Variants in ANKS1B observed in about 807,000 individuals in gnomAD.
The protein encoded by ANKS1B is ankyrin repeat and sterile alpha motif domain containing 1B, also known as ankyrin repeat and sterile alpha motif domain-containing protein 1B.
In ANKS1B, 36 loss-of-function variants were observed where a neutral mutation model predicts 148.3. The observed-to-expected ratio is 0.24, with a 90% confidence interval of 0.19 to 0.32. ANKS1B has a LOEUF of 0.32. Ranked by LOEUF, ANKS1B falls within the 10% of genes least tolerant of loss-of-function variation. The pLI is 1.00. For missense variants in ANKS1B, 1,157 were observed against 1,542.6 expected (o/e 0.75, Z 4.19); for synonymous variants, 542 against 560.8 (o/e 0.97, Z 0.47).
chr12:99,578,539 C>T (rs942045673), intron 9 of ANKS1B, among the ~76,000 whole-genome samples: 2 of 152,006 alleles, frequency 1.3e-5, no homozygotes, highest in African/African-American at 2.4e-5. Context: ...AAATGAATAG[C>T]ATTTCTATAC....
At chr12:98,875,575 C>T (rs994801274) in intron 17 of ANKS1B, among the ~76,000 whole-genome samples, 1 of 152,156 alleles carries the variant, frequency 6.6e-6, no homozygotes, top group African/African-American at 2.4e-5. Flanking sequence ...TGAAGGAAGC[C>T]TTCCTGGTTT....
At chr12:99,148,504 T>A (rs1464303060) in intron 15 of ANKS1B, among the ~76,000 whole-genome samples, 3 of 152,110 alleles carry the variant, frequency 2.0e-5, no homozygotes, top group African/African-American at 7.2e-5. Context: ...AAGCAATCAG[T>A]ATTCGTGCAA....
intron 16 of ANKS1B, among the ~76,000 whole-genome samples, chr12:99,075,900 A>G (rs2047717941): frequency 6.7e-6 from 1 of 148,862 alleles, no homozygotes; most frequent in African/African-American, 2.4e-5. Flanking sequence ...ATTGTATATA[A>G]TAGGTTATAA....
intron 10 of ANKS1B, among the ~76,000 whole-genome samples, chr12:99,491,458 G>GT (rs2096554496): frequency 6.6e-6 from 1 of 152,044 alleles, no homozygotes; most frequent in Non-Finnish European, 1.5e-5. Context: ...TGTCACAAGG[G>GT]TTTGTTGTAC....
chr12:99,546,950 A>G (rs1366804473), intron 9 of ANKS1B, among the ~76,000 whole-genome samples: 2 of 152,090 alleles, frequency 1.3e-5, no homozygotes, highest in African/African-American at 4.8e-5. Context: ...CATCTCTGAC[A>G]GGGGCAGGGG....
chr12:99,532,760 C>T (rs150096265), intron 9 of ANKS1B, among the ~76,000 whole-genome samples: 75 of 152,294 alleles, frequency 4.9e-4, no homozygotes, highest in African/African-American at 1.7e-3. Context: ...ATTTTCTCAG[C>T]ACCATTTATT....
At chr12:99,796,399 G>T (rs1411121165) in intron 4 of ANKS1B, among the ~76,000 whole-genome samples, 3 of 151,948 alleles carry the variant, frequency 2.0e-5, no homozygotes, top group Non-Finnish European at 4.4e-5. Flanking sequence ...ATAAAGGTTG[G>T]GTGGGCGGCA....
intron 14 of ANKS1B, among the ~76,000 whole-genome samples, chr12:99,243,946 C>A (rs549847921): frequency 2.0e-5 from 3 of 152,132 alleles, no homozygotes; most frequent in Admixed American, 6.5e-5. Context: ...TGCAGCAAAC[C>A]AACATGGCAC....
chr12:99,294,792 T>C (rs1415820814), intron 12 of ANKS1B, among the ~76,000 whole-genome samples: 1 of 152,150 alleles, frequency 6.6e-6, no homozygotes, highest in Non-Finnish European at 1.5e-5. Flanking sequence ...TAGCTGGGAC[T>C]ACAGGCATGT....
At chr12:99,388,804 T>C (rs1384370816) in intron 12 of ANKS1B, among the ~76,000 whole-genome samples, 7 of 152,146 alleles carry the variant, frequency 4.6e-5, no homozygotes, top group African/African-American at 1.7e-4. Context: ...TCTCCAAAGC[T>C]AGCAACAAAG....
Position 99,118,492 on chromosome 12 carries a change from C to T in ANKS1B, c.2527-33469G>A, listed in dbSNP as rs75250141. On this transcript the variant is annotated intron_variant, in intron 15 of 26. Coordinates refer to ENST00000683438, the MANE Select transcript of ANKS1B (RefSeq NM_001352186.2). ...CTTTCCTGAAAGAGTGACTGTACAG[C>T]GCCTGGTGTTCTAAATCCAGTCGCT... Among the ~76,000 whole-genome samples, 1,499 of 152,246 alleles carry T rather than the reference C, an allele frequency of 9.8e-3. 24 individuals are homozygous for T. Among genetic ancestry groups the T allele is most frequent in the African/African-American group, 0.034 (1,419 of 41,538 alleles).
chr12:99,164,958 T>C (rs2077055955), intron 14 of ANKS1B, among the ~76,000 whole-genome samples: 3 of 152,068 alleles, frequency 2.0e-5, no homozygotes, highest in Non-Finnish European at 4.4e-5. Context: ...ATCTTAATCT[T>C]GAGGTTTCTG....
intron 22 of ANKS1B, among the ~76,000 whole-genome samples, chr12:98,789,041 T>C (rs1442243995): frequency 1.3e-5 from 2 of 152,036 alleles, no homozygotes; most frequent in African/African-American, 2.4e-5. Context: ...GATTCAAGAG[T>C]TGTACCCAGA....
At chr12:99,326,889 T>C (rs2086407988) in intron 12 of ANKS1B, among the ~76,000 whole-genome samples, 1 of 150,020 alleles carries the variant, frequency 6.7e-6, no homozygotes, top group Non-Finnish European at 1.5e-5. Context: ...ACTATATTTT[T>C]ATGTATATTT....
In ANKS1B at chr12:98,745,688, C is replaced by T; in HGVS notation, c.*51G>A. 6.2e-7 allele frequency: 1 copy of T among 1,603,066 alleles called. No individual in the cohort carries two copies. The highest frequency in any genetic ancestry group is 8.5e-7 in the Non-Finnish European group (1 of 1,174,262). On this transcript the variant is annotated 3_prime_UTR_variant, in exon 27 of 27. Coordinates refer to ENST00000683438, the MANE Select transcript of ANKS1B (RefSeq NM_001352186.2). ...GCGGAGGCGCGAAGGAAAGCCTGCT[C>T]CGGGACCGCTTGGCGAGCAAGGCAC... is the stretch of plus-strand genomic sequence containing the variant.
At chr12:98,858,940 G>A (rs1009049881) in intron 17 of ANKS1B, among the ~76,000 whole-genome samples, 12 of 152,092 alleles carry the variant, frequency 7.9e-5, no homozygotes, top group African/African-American at 2.7e-4. Flanking sequence ...TTATATTATC[G>A]ATTTACATTA....
intron 1 of ANKS1B, among the ~76,000 whole-genome samples, chr12:99,886,330 G>T (rs1258609091): frequency 6.6e-6 from 1 of 152,174 alleles, no homozygotes; most frequent in Non-Finnish European, 1.5e-5. Flanking sequence ...TGTGAGGGAA[G>T]AAATTGTTAT....
At chr12:99,279,857 T>C (rs907662066) in intron 12 of ANKS1B, among the ~76,000 whole-genome samples, 3 of 151,592 alleles carry the variant, frequency 2.0e-5, no homozygotes, top group African/African-American at 7.3e-5. Flanking sequence ...CTAAAAAAAT[T>C]AGCTGGGCAT....
Position 98,773,199 on chromosome 12 carries a change from T to C in ANKS1B, c.3442-20A>G. The C allele has an allele frequency of 6.3e-7, 1 of 1,592,434 alleles. No individual in the cohort carries two copies. The highest frequency in any genetic ancestry group is 8.5e-7 in the Non-Finnish European group (1 of 1,170,002). ...TATGTTCTGGAAGAAATGACATAAA[T>C]GATCATTGTTTTCCTCTGCGAACCA... On this transcript the variant is annotated intron_variant, in intron 24 of 26. Transcript: ENST00000683438.
Sources: gnomAD v4.1 joint callset for allele counts (sites outside exome capture counted in the v4.1 genomes callset) on GRCh38, gnomAD v4.1.1 for gene constraint, MANE v1.5 for transcripts, NCBI Gene and HGNC (gene_info 2026-07-23, HGNC 2026-07-21) for gene names.